The following BICC1 variants were observed in gnomAD, a reference collection of about 807,000 sequenced individuals.
BICC1 encodes protein bicaudal C homolog 1.
Under a neutral mutation model 111.0 loss-of-function variants are expected in BICC1, and 43 were observed. The ratio of observed to expected loss-of-function variants is 0.39; its 90% CI spans 0.30 to 0.50. BICC1 has a LOEUF of 0.50. Among genes scored for constraint, BICC1 ranks in the 20% least tolerant of loss-of-function variants. The pLI is 0.88. For synonymous variants in BICC1, 467 were observed against 434.4 expected, an observed-to-expected ratio of 1.07 and a Z score of -0.93; for missense variants, 1,091 against 1,203.2, an observed-to-expected ratio of 0.91 and a Z score of 1.38.
chr10:58,652,857 T>C (rs573779763), intron 2 of BICC1, among the ~76,000 whole-genome samples: 4 of 152,236 alleles, frequency 2.6e-5, no homozygotes, highest in South Asian at 2.1e-4. Context: ...TAGCACAGAA[T>C]TGGAGTTCAG....
chr10:58,770,994 T>A (rs961424458), intron 3 of BICC1, among the ~76,000 whole-genome samples: 1 of 152,252 alleles, frequency 6.6e-6, no homozygotes, highest in Non-Finnish European at 1.5e-5. Context: ...TCAAAGACAC[T>A]GCTAAGCCCA....
chr10:58,610,038 T>A (rs535437717), intron 1 of BICC1, among the ~76,000 whole-genome samples: 5 of 152,300 alleles, frequency 3.3e-5, no homozygotes, highest in South Asian at 4.1e-4. Flanking sequence ...CATTGACATA[T>A]GTTAGGGTCA....
intron 20 of BICC1, among the ~76,000 whole-genome samples, chr10:58,821,797 C>T (rs543643153): frequency 6.6e-6 from 1 of 152,104 alleles, no homozygotes; most frequent in South Asian, 2.1e-4. Context: ...CTGGGCTTTA[C>T]TTATGCTAAG....
intron 20 of BICC1, chr10:58,824,178 G>A: frequency 1.3e-6 from 1 of 780,694 alleles, no homozygotes; most frequent in Non-Finnish European, 1.6e-6. Context: ...CTGAAGGCCA[G>A]TGCTCAGGGC....
intron 1 of BICC1, among the ~76,000 whole-genome samples, chr10:58,550,927 A>C (rs1843279504): frequency 6.6e-6 from 1 of 152,128 alleles, no homozygotes; most frequent in Non-Finnish European, 1.5e-5. Flanking sequence ...GGGTGTTTTT[A>C]AGATATTAGA....
intron 3 of BICC1, among the ~76,000 whole-genome samples, chr10:58,754,607 A>G (rs985509090): frequency 6.6e-6 from 1 of 152,210 alleles, no homozygotes; most frequent in African/African-American, 2.4e-5. Context: ...TACATGCCTC[A>G]CACGGCAGGG....
chr10:58,599,929 GGT>G (rs59937252), intron 1 of BICC1, among the ~76,000 whole-genome samples: 21 of 149,836 alleles, frequency 1.4e-4, no homozygotes, highest in Middle Eastern at 3.4e-3. Context: ...AACTAAAGAG[GGT>G]GTGTGTGTGT....
intron 17 of BICC1, among the ~76,000 whole-genome samples, chr10:58,809,304 G>A (rs185370561): frequency 2.6e-5 from 4 of 152,220 alleles, no homozygotes; most frequent in Admixed American, 2.6e-4. Context: ...CCAGTGTTGG[G>A]ATTACAGGTG....
In BICC1 at chr10:58,828,970, C is replaced by G; in HGVS notation, c.*79C>G. 6.5e-7 allele frequency: 1 copy of G among 1,549,768 alleles called. No homozygotes were observed. The highest frequency in any genetic ancestry group is 8.8e-7 in the Non-Finnish European group (1 of 1,137,056). On this transcript the variant is annotated 3_prime_UTR_variant, in exon 21 of 21. Transcript: ENST00000373886. ...TGTATGAACAGCCTTCACAGCACACCATCCTTAGCACTCTGGGTGTCTGGT... is the reference window on the plus strand; with the variant it reads ...TGTATGAACAGCCTTCACAGCACACGATCCTTAGCACTCTGGGTGTCTGGT...
intron 20 of BICC1, among the ~76,000 whole-genome samples, chr10:58,828,196 C>T (rs1414754730): frequency 6.6e-6 from 1 of 152,156 alleles, no homozygotes; most frequent in East Asian, 1.9e-4. Flanking sequence ...ACCTCAACCT[C>T]TGCATTATTC....
Position 58,639,616 on chromosome 10 carries a change from C to T in BICC1, c.237+18715C>T, listed in dbSNP as rs550105161. On this transcript the variant is annotated intron_variant, in intron 2 of 20. Transcript: ENST00000373886. Reference sequence around the variant, plus strand: ...ATTTTTAGTAGCGATGGGGTTTCACCATGTTGGCCAGCCTGGTCTCGAACT... The same window carrying T: ...ATTTTTAGTAGCGATGGGGTTTCACTATGTTGGCCAGCCTGGTCTCGAACT... Among the ~76,000 whole-genome samples the T allele has an allele frequency of 1.9e-4, 27 of 143,200 alleles. No homozygotes were observed. The South Asian group carries it at 5.8e-3, about 31-fold the overall frequency. The allele number at this position is 143,200 out of a possible 152,430, so 93.9% of individuals were successfully genotyped here.
intron 9 of BICC1, 25 bp downstream of exon 9, chr10:58,793,640 GA>G: frequency 6.2e-7 from 1 of 1,611,102 alleles, no homozygotes; most frequent in Non-Finnish European, 8.5e-7. Flanking sequence ...TGAATCCAGA[GA>G]ATTATGTATC....
At chr10:58,802,987 T>C (rs992081358) in intron 14 of BICC1, 90 bp from the exon 15 acceptor site, 16 of 1,249,838 alleles carry the variant, frequency 1.3e-5, no homozygotes, top group Non-Finnish European at 1.5e-5. Flanking sequence ...CTGATGATGA[T>C]AAACATGCAT....
At chr10:58,652,092 A>T (rs1838467289) in intron 2 of BICC1, among the ~76,000 whole-genome samples, 1 of 152,166 alleles carries the variant, frequency 6.6e-6, no homozygotes, top group Non-Finnish European at 1.5e-5. Context: ...TGATACTGAG[A>T]AGCAAGAGAC....
Position 58,782,219 on chromosome 10 carries a change from G to A in BICC1, c.308-2782G>A, listed in dbSNP as rs147128022. ...GAAAATCACATTCTCTCTTAAATCG[G>A]ATACGAGGCTCCCTGTCCCTCTATG... is the stretch of plus-strand genomic sequence containing the variant. On this transcript the variant is annotated intron_variant, in intron 3 of 20. Coordinates refer to ENST00000373886, the MANE Select transcript of BICC1 (RefSeq NM_001080512.3). Among the ~76,000 whole-genome samples the A allele has an allele frequency of 3.2e-3, 493 of 152,224 alleles. 9 individuals carry two copies. The highest frequency in any genetic ancestry group is 0.011 in the African/African-American group (472 of 41,540).
intron 2 of BICC1, among the ~76,000 whole-genome samples, chr10:58,622,139 G>A (rs1322817862): frequency 2.1e-4 from 32 of 151,740 alleles, no homozygotes; most frequent in Non-Finnish European, 2.9e-5. Context: ...CCATGATCGT[G>A]CCACTGCACT....
At chr10:58,650,690 A>G (rs1316260600) in intron 2 of BICC1, 1 of 152,138 alleles carries the variant, frequency 6.6e-6, no homozygotes. Context: ...CTTTACTGAA[A>G]TAGCTTATTT....
intron 3 of BICC1, among the ~76,000 whole-genome samples, chr10:58,733,252 T>C (rs117821351): frequency 0.011 from 1,630 of 152,342 alleles, 21 homozygotes; most frequent in Non-Finnish European, 0.018. Flanking sequence ...CAATACCTAG[T>C]GCATAGTAGG....
chr10:58,790,769 A>G (rs1029966243), intron 8 of BICC1, among the ~76,000 whole-genome samples: 3 of 152,226 alleles, frequency 2.0e-5, no homozygotes, highest in African/African-American at 7.2e-5. Context: ...AGGTTGCAGT[A>G]AGCCCAGATG....
Sources: gnomAD v4.1 joint callset for allele counts (sites outside exome capture counted in the v4.1 genomes callset) on GRCh38, gnomAD v4.1.1 for gene constraint, MANE v1.5 for transcripts, NCBI Gene and HGNC (gene_info 2026-07-23, HGNC 2026-07-21) for gene names.